The following PDE1C variants were observed in gnomAD, a reference collection of about 807,000 sequenced individuals.
PDE1C encodes the protein dual specificity calcium/calmodulin-dependent 3',5'-cyclic nucleotide phosphodiesterase 1C.
PDE1C carries 62 observed loss-of-function variants against 93.1 expected under a neutral mutation model. The observed-to-expected ratio is 0.67, with a 90% CI of 0.54 to 0.82. The LOEUF (loss-of-function observed/expected upper bound fraction) is 0.82. Among genes scored for constraint, PDE1C ranks in the 40% least tolerant of loss-of-function variants. PDE1C has a pLI of 0.00. For synonymous variants in PDE1C, 325 were observed against 310.1 expected (o/e 1.05, Z -0.50); for missense variants, 742 against 884.6 (o/e 0.84, Z 2.04).
chr7:32,343,489 C>T (rs1456063977), intron 1 of PDE1C, among the ~76,000 whole-genome samples: 1 of 152,174 alleles, frequency 6.6e-6, no homozygotes, highest in East Asian at 1.9e-4. Context: ...ATTAGAGTGT[C>T]CAAGCTTCAT....
chr7:31,771,856 C>A (rs1485898965), intron 17 of PDE1C, among the ~76,000 whole-genome samples: 1 of 151,972 alleles, frequency 6.6e-6, no homozygotes, highest in East Asian at 1.9e-4. Flanking sequence ...GAGATCGAGA[C>A]CATCCTGGAT....
At chr7:31,788,692 A>C (rs1200573746) in intron 16 of PDE1C, 1 of 152,192 alleles carries the variant, frequency 6.6e-6, no homozygotes, top group African/African-American at 2.4e-5. Flanking sequence ...AGTCATTTGA[A>C]TTTCTGGCCA....
chr7:31,938,842 T>TTTGTTGAATGAATTGA (rs1554423132), intron 2 of PDE1C, among the ~76,000 whole-genome samples: 4 of 152,208 alleles, frequency 2.6e-5, no homozygotes, highest in Non-Finnish European at 5.9e-5. Flanking sequence ...AATGAATAAC[T>TTTGTTGAATGAATTGA]GACACTTGCA....
At chr7:31,913,408 GA>G (rs34028267) in intron 2 of PDE1C, among the ~76,000 whole-genome samples, 22 of 148,288 alleles carry the variant, frequency 1.5e-4, no homozygotes, top group East Asian at 5.9e-4. Flanking sequence ...GAATCAAGGT[GA>G]AAAAAAAAAC....
intron 3 of PDE1C, among the ~76,000 whole-genome samples, chr7:32,114,418 T>C (rs1024053036): frequency 6.6e-6 from 1 of 152,122 alleles, no homozygotes; most frequent in Non-Finnish European, 1.5e-5. Flanking sequence ...TGCCCAGCCA[T>C]ATGCAGAAAA....
chr7:32,155,731 T>G (rs572294993), intron 3 of PDE1C, among the ~76,000 whole-genome samples: 109 of 151,536 alleles, frequency 7.2e-4, no homozygotes, highest in African/African-American at 2.6e-3. Flanking sequence ...AGGTAGCCCC[T>G]GAGGGAAAGA....
At chr7:32,399,528 T>A (rs1422958638) in intron 1 of PDE1C, among the ~76,000 whole-genome samples, 1 of 151,922 alleles carries the variant, frequency 6.6e-6, no homozygotes, top group Non-Finnish European at 1.5e-5. Flanking sequence ...CATCCTCGTC[T>A]TATAAGGCCA....
chr7:32,083,455 A>T (rs1386414280), intron 3 of PDE1C, among the ~76,000 whole-genome samples: 5 of 152,224 alleles, frequency 3.3e-5, no homozygotes, highest in African/African-American at 1.2e-4. Context: ...GAACTTCCCC[A>T]GTCTAGCAAG....
At chr7:31,808,116 C>G in intron 16 of PDE1C, 1 of 414,174 alleles carries the variant, frequency 2.4e-6, no homozygotes, top group Non-Finnish European at 4.6e-6. Context: ...AATAGATGTG[C>G]AAAGAATTAC....
chr7:31,914,960 T>C (rs1043929947), intron 2 of PDE1C, among the ~76,000 whole-genome samples: 6 of 152,182 alleles, frequency 3.9e-5, no homozygotes, highest in Non-Finnish European at 7.3e-5. Context: ...CTCCATTTCG[T>C]CTAGTTCCTC....
upstream of PDE1C, chr7:32,070,534 GC>G: frequency 1.3e-6 from 2 of 1,482,986 alleles, no homozygotes. Flanking sequence ...CCCCTTCTGC[GC>G]CCCCAGACTC....
At position 31,991,535 on chromosome 7, in the gene PDE1C, G is replaced by A. The variant is rs1305144087; in HGVS notation, c.128+60019C>T. 1.3e-5 allele frequency among the ~76,000 whole-genome samples: 2 copies of A among 152,218 alleles called. 1 individual carries two copies. The highest frequency in any genetic ancestry group is 4.8e-5 in the African/African-American group (2 of 41,452). On this transcript the variant is annotated intron_variant, in intron 2 of 17. Coordinates refer to ENST00000396191, the MANE Select transcript of PDE1C (RefSeq NM_001191057.4). The stretch of plus-strand genomic sequence containing the variant: ...CCTGCAGAAGGGGAATGGCTTGGGA[G>A]CACTGTGAGGATGAAGTAAAACAGC...
At chr7:32,215,163 G>A (rs1806338501) in intron 1 of PDE1C, among the ~76,000 whole-genome samples, 1 of 151,838 alleles carries the variant, frequency 6.6e-6, no homozygotes, top group Non-Finnish European at 1.5e-5. Flanking sequence ...GTGCAGCGGG[G>A]ACCGAGCATC....
At chr7:31,765,396 T>G (rs1415344465) in intron 17 of PDE1C, among the ~76,000 whole-genome samples, 1 of 152,254 alleles carries the variant, frequency 6.6e-6, no homozygotes, top group Non-Finnish European at 1.5e-5. Flanking sequence ...TGTCTTGGCA[T>G]GATTCTAGTT....
upstream of PDE1C, among the ~76,000 whole-genome samples, chr7:32,075,442 A>C (rs2128731682): frequency 6.6e-6 from 1 of 152,266 alleles, no homozygotes; most frequent in East Asian, 1.9e-4. Context: ...ATGTTCTGTC[A>C]ACAGAGGCTG....
chr7:31,647,301 G>A, the PDE1C span, among the ~76,000 whole-genome samples: 57 of 152,196 alleles, frequency 3.7e-4, no homozygotes, highest in East Asian at 9.9e-3. Context: ...AAATATTTAC[G>A]AAAATATTAA....
At chr7:32,002,648 A>AAC (rs1255802951) in intron 2 of PDE1C, among the ~76,000 whole-genome samples, 1 of 152,074 alleles carries the variant, frequency 6.6e-6, no homozygotes, top group Non-Finnish European at 1.5e-5. Flanking sequence ...GAATAAACAC[A>AAC]ACACACACAC....
intron 6 of PDE1C, among the ~76,000 whole-genome samples, chr7:31,872,059 T>C (rs1796011673): frequency 6.6e-6 from 1 of 151,712 alleles, no homozygotes; most frequent in Non-Finnish European, 1.5e-5. Flanking sequence ...AAAGATGAAA[T>C]CATGTCATTT....
At chr7:32,028,468 T>A (rs1162030820) in intron 2 of PDE1C, among the ~76,000 whole-genome samples, 1 of 152,136 alleles carries the variant, frequency 6.6e-6, no homozygotes. Flanking sequence ...TCTATGCCAA[T>A]GTGAAAACCA....
Sources: allele counts gnomAD v4.1 joint callset (sites outside exome capture counted in the v4.1 genomes callset), GRCh38; gene constraint gnomAD v4.1.1; transcripts MANE v1.5; gene names NCBI Gene and HGNC (gene_info 2026-07-23, HGNC 2026-07-21).